The following VPS54 variants were observed in gnomAD, a reference collection of about 807,000 sequenced individuals.
VPS54 encodes the protein vacuolar protein sorting-associated protein 54.
Under a neutral mutation model 121.5 loss-of-function variants are expected in VPS54, and 45 were observed. The observed-to-expected ratio is 0.37, with a 90% CI of 0.29 to 0.47. The LOEUF is 0.47. Ranked by LOEUF, VPS54 falls within the 20% of genes least tolerant of loss-of-function variation. The pLI is 0.99. For synonymous variants in VPS54, 371 were observed against 385.8 expected, an observed-to-expected ratio of 0.96 and a Z score of 0.45; for missense variants, 1,090 against 1,131.4, an observed-to-expected ratio of 0.96 and a Z score of 0.52.
chr2:64,013,594 CAA>C (rs1202061792), intron 1 of VPS54, among the ~76,000 whole-genome samples: 7 of 141,986 alleles, frequency 4.9e-5, no homozygotes, highest in Admixed American at 3.5e-4. Flanking sequence ...AAATATATAT[CAA>C]TATATATCAT....
intron 3 of VPS54, among the ~76,000 whole-genome samples, chr2:63,976,372 C>CA (rs1676532227): frequency 7.1e-6 from 1 of 140,050 alleles, no homozygotes; most frequent in African/African-American, 2.8e-5. Context: ...AAACAAAAAA[C>CA]AAAAAAACAC....
intron 22 of VPS54, among the ~76,000 whole-genome samples, chr2:63,894,763 CAT>C (rs1672374358): frequency 6.7e-6 from 1 of 149,920 alleles, no homozygotes; most frequent in African/African-American, 2.4e-5. Flanking sequence ...GACTACTAAA[CAT>C]ATATCAACAT....
chr2:63,953,817 G>A (rs1190582768), intron 7 of VPS54, among the ~76,000 whole-genome samples: 1 of 152,022 alleles, frequency 6.6e-6, no homozygotes, highest in Non-Finnish European at 1.5e-5. Context: ...AAGACTATAT[G>A]GTTTTCACTT....
chr2:63,923,929 A>C (rs1360608571), intron 12 of VPS54, among the ~76,000 whole-genome samples: 1 of 152,204 alleles, frequency 6.6e-6, no homozygotes, highest in African/African-American at 2.4e-5. Context: ...CGTTGTATGA[A>C]AGAACTAGTT....
chr2:63,968,229 A>G (rs986571043), intron 5 of VPS54, among the ~76,000 whole-genome samples: 5 of 152,284 alleles, frequency 3.3e-5, no homozygotes, highest in South Asian at 4.1e-4. Context: ...AAAATTTTTC[A>G]TACAAAGTAA....
chr2:63,974,965 A>C, intron 3 of VPS54: 1 of 1,543,846 alleles, frequency 6.5e-7, no homozygotes, highest in South Asian at 1.2e-5. Context: ...TAAAAGAAAC[A>C]GTGACAGGGG....
intron 1 of VPS54, among the ~76,000 whole-genome samples, chr2:63,999,157 C>G (rs1041567398): frequency 1.3e-5 from 2 of 152,102 alleles, no homozygotes; most frequent in African/African-American, 4.8e-5. Context: ...ATCATGTTAG[C>G]CAGGCTAGTC....
intron 11 of VPS54, among the ~76,000 whole-genome samples, chr2:63,936,647 C>T (rs1465610101): frequency 6.6e-6 from 1 of 152,004 alleles, no homozygotes; most frequent in Non-Finnish European, 1.5e-5. Flanking sequence ...TCTTTCTTAC[C>T]TATAAAAATT....
chr2:63,986,679 C>T (rs1439098029), intron 1 of VPS54, among the ~76,000 whole-genome samples: 3 of 152,154 alleles, frequency 2.0e-5, no homozygotes, highest in African/African-American at 7.2e-5. Context: ...AACTGCTCTC[C>T]ACGGTGATTG....
intron 8 of VPS54, among the ~76,000 whole-genome samples, chr2:63,948,726 G>A (rs1432348590): frequency 2.0e-5 from 3 of 152,048 alleles, no homozygotes; most frequent in Non-Finnish European, 4.4e-5. Flanking sequence ...TAAAAGACAA[G>A]CTCCAGCACT....
At chr2:63,953,336 T>G (rs1281687443) in intron 7 of VPS54, among the ~76,000 whole-genome samples, 7 of 152,234 alleles carry the variant, frequency 4.6e-5, no homozygotes, top group South Asian at 4.1e-4. Flanking sequence ...TTTCACCATA[T>G]TGGCCAGGCT....
intron 22 of VPS54, 144 bp from the exon 23 acceptor site, chr2:63,893,679 G>C (rs1672321923): frequency 1.5e-6 from 1 of 667,492 alleles, no homozygotes; most frequent in Non-Finnish European, 2.5e-6. Context: ...TACTTAGCAG[G>C]ATTCCTGCTA....
chr2:63,958,444 A>C (rs1304182903), intron 7 of VPS54, among the ~76,000 whole-genome samples: 6 of 152,208 alleles, frequency 3.9e-5, no homozygotes, highest in Non-Finnish European at 4.4e-5. Context: ...TTTTGAAAAC[A>C]GAGATTTGCA....
rs1559014758 is a variant in VPS54 at position 63,949,023 on chromosome 2, G to T, written c.1137+14C>A. On this transcript the variant is annotated intron_variant, in intron 8 of 22. Coordinates refer to ENST00000272322, the MANE Select transcript of VPS54 (RefSeq NM_016516.3). ...GCAATGGCATCAACTTCATTCCACA[G>T]TTAAAACACATACCTCTTCTAAAAC... The T allele has an allele frequency of 5.6e-6, 9 of 1,608,900 alleles. No individual in the cohort carries two copies. The highest frequency in any genetic ancestry group is 1.7e-4 in the Middle Eastern group (1 of 5,986).
At chr2:63,922,652 A>C (rs535520728) in intron 12 of VPS54, among the ~76,000 whole-genome samples, 2 of 152,350 alleles carry the variant, frequency 1.3e-5, no homozygotes, top group African/African-American at 4.8e-5. Context: ...AGAGAGTAGA[A>C]CTAGAACCTA....
intron 12 of VPS54, among the ~76,000 whole-genome samples, chr2:63,930,862 C>T (rs992001072): frequency 6.6e-6 from 1 of 152,144 alleles, no homozygotes; most frequent in African/African-American, 2.4e-5. Flanking sequence ...CATTTCTATA[C>T]ACCAATAACA....
intron 1 of VPS54, among the ~76,000 whole-genome samples, chr2:64,013,295 C>A (rs371893854): frequency 1.3e-5 from 2 of 152,004 alleles, no homozygotes; most frequent in South Asian, 4.1e-4. Context: ...AGGAACAGAC[C>A]AATTCAGAAT....
chr2:64,015,383 C>T (rs1678633277), intron 1 of VPS54, among the ~76,000 whole-genome samples: 1 of 152,062 alleles, frequency 6.6e-6, no homozygotes, highest in Non-Finnish European at 1.5e-5. Flanking sequence ...GAGTTAGTTG[C>T]TAGAGGATCT....
chr2:63,949,208 T>C, intron 7 of VPS54, 45 bp from the exon 8 acceptor site: 1 of 1,563,724 alleles, frequency 6.4e-7, no homozygotes, highest in Non-Finnish European at 8.6e-7. Flanking sequence ...CACTAAAAAC[T>C]ACAAATTCGC....
Sources: gnomAD v4.1 joint callset for allele counts (sites outside exome capture counted in the v4.1 genomes callset) on GRCh38, gnomAD v4.1.1 for gene constraint, MANE v1.5 for transcripts, NCBI Gene and HGNC (gene_info 2026-07-23, HGNC 2026-07-21) for gene names.